PYROXD1: variants seen among roughly 807,000 people sequenced by gnomAD.
PYROXD1 encodes tRNA ligase complex-associated NAD(P)H dehydrogenase PYROXD1.
Under a neutral mutation model 62.0 loss-of-function variants are expected in PYROXD1, and 42 were observed. That is an observed-to-expected ratio of 0.68 (90% CI 0.53 to 0.88). The LOEUF (loss-of-function observed/expected upper bound fraction) is 0.88. PYROXD1 is among the 40% of genes least tolerant of loss of function. PYROXD1 has a pLI of 0.00. For missense variants in PYROXD1, 493 were observed against 604.8 expected (o/e 0.82, Z 1.94); for synonymous variants, 170 against 206.4 (o/e 0.82, Z 1.51).
intron 11 of PYROXD1, among the ~76,000 whole-genome samples, chr12:21,468,125 T>TA (rs1218534454): frequency 1.3e-5 from 2 of 152,104 alleles, no homozygotes; most frequent in Non-Finnish European, 2.9e-5. Flanking sequence ...GCCAAATCTT[T>TA]AAACCACGAC....
At chr12:21,444,801 A>G (rs559929979) in intron 2 of PYROXD1, among the ~76,000 whole-genome samples, 21 of 152,336 alleles carry the variant, frequency 1.4e-4, no homozygotes, top group African/African-American at 4.8e-4. Flanking sequence ...GCTTAGGACT[A>G]GAGCAAGCAG....
intron 8 of PYROXD1, 48 bp from the exon 9 acceptor site, chr12:21,461,960 G>A (rs776314440): frequency 6.2e-6 from 7 of 1,137,062 alleles, no homozygotes; most frequent in Non-Finnish European, 5.3e-6. Context: ...TGTGGTGATG[G>A]TTCCATTTAC....
At chr12:21,440,059 A>C (rs569319389) in intron 1 of PYROXD1, among the ~76,000 whole-genome samples, 4 of 152,346 alleles carry the variant, frequency 2.6e-5, no homozygotes, top group African/African-American at 9.6e-5. Context: ...CCTCTGCATT[A>C]TAACTCTAAA....
chr12:21,466,868 T>A (rs1316031863), intron 10 of PYROXD1, among the ~76,000 whole-genome samples: 1 of 152,216 alleles, frequency 6.6e-6, no homozygotes, highest in East Asian at 1.9e-4. Flanking sequence ...GCATGAAGGG[T>A]TGTTGAATTT....
At chr12:21,465,848 G>A (rs1461624345) in intron 10 of PYROXD1, among the ~76,000 whole-genome samples, 2 of 152,080 alleles carry the variant, frequency 1.3e-5, no homozygotes, top group East Asian at 1.9e-4. Flanking sequence ...TTTGTATAAG[G>A]TGTAAGGAAG....
At chr12:21,439,775 T>A (rs1234603536) in intron 1 of PYROXD1, among the ~76,000 whole-genome samples, 1 of 151,986 alleles carries the variant, frequency 6.6e-6, no homozygotes, top group Non-Finnish European at 1.5e-5. Context: ...AAGACCGAGG[T>A]TGTAGCTAAA....
In PYROXD1 at chr12:21,470,514, T is replaced by G. The variant is rs1286436852; in HGVS notation, c.*1760T>G. ...AATTTCTATTCAAATATGAGCTCTA[T>G]TTTGAATAAAAGGGGCTACGTTGTG... On this transcript the variant is annotated 3_prime_UTR_variant, in exon 12 of 12. Transcript: ENST00000240651. 2 of 1,007,464 alleles carry G rather than the reference T, an allele frequency of 2.0e-6. No homozygotes were observed. The highest frequency in any genetic ancestry group is 2.9e-5 in the East Asian group (1 of 33,990). 62.4% of individuals were successfully genotyped at this position (1,007,464 alleles called of 1,614,324 possible).
At chr12:21,460,448 G>C (rs1466939994) in intron 7 of PYROXD1, among the ~76,000 whole-genome samples, 1 of 148,468 alleles carries the variant, frequency 6.7e-6, no homozygotes, top group Non-Finnish European at 1.5e-5. Context: ...TTTTGAGACA[G>C]AGTCTCGCTC....
chr12:21,452,274 T>G, intron 5 of PYROXD1, 120 bp downstream of exon 5: 1 of 661,272 alleles, frequency 1.5e-6, no homozygotes, highest in South Asian at 4.0e-5. Context: ...TGTTTTTTAT[T>G]CTGAAAATCA....
At chr12:21,467,309 A>T in intron 10 of PYROXD1, 172 bp from the exon 11 acceptor site, 1 of 521,988 alleles carries the variant, frequency 1.9e-6, no homozygotes, top group Non-Finnish European at 3.4e-6. Flanking sequence ...AGATAGAATT[A>T]ACAAATACCA....
chr12:21,441,683 T>C (rs943473732), intron 2 of PYROXD1, among the ~76,000 whole-genome samples: 2 of 152,270 alleles, frequency 1.3e-5, no homozygotes, highest in African/African-American at 4.8e-5. Context: ...TCTGATTTAA[T>C]TGAATTGTTT....
intron 2 of PYROXD1, among the ~76,000 whole-genome samples, chr12:21,444,754 A>G (rs1476384163): frequency 3.3e-5 from 5 of 152,164 alleles, no homozygotes; most frequent in Non-Finnish European, 5.9e-5. Context: ...TTGAATATCA[A>G]TCTGTAAGGC....
At position 21,462,871 on chromosome 12, in the gene PYROXD1, G is replaced by C. The variant is rs2137283664; in HGVS notation, c.1116+9G>C. The C allele has an allele frequency of 6.2e-7, 1 of 1,609,894 alleles. No homozygotes were observed. The highest frequency in any genetic ancestry group is 8.5e-7 in the Non-Finnish European group (1 of 1,178,792). ...GCCCAGTCTGGCAGCAGGTAAGCTA[G>C]CATATATAATTATATGTTTTCATCA... On this transcript the variant is annotated intron_variant, in intron 10 of 11. Coordinates refer to ENST00000240651, the MANE Select transcript of PYROXD1 (RefSeq NM_024854.5).
rs1211627560 is a variant in PYROXD1 at position 21,467,492 on chromosome 12, G to A, written c.1128G>A (p.Trp376Ter). 1 of 1,603,138 alleles carries A rather than the reference G, an allele frequency of 6.2e-7. No homozygotes were observed. Among genetic ancestry groups the A allele is most frequent in the South Asian group, 1.1e-5 (1 of 88,574 alleles). ...TTTCATCATTTCAGATGAGGCTGTG[G>A]ACCCAGGCTAGACAGATGGGATGGT... The part of the protein sequence containing the change: ...LSPVWQQMRL[W>*]TQARQMGWYA... The change falls in exon 11 of 12, where the codon TGG becomes TGA. Residue 376 changes from tryptophan (W) to a stop codon, truncating the protein, a stop_gained. Coordinates refer to ENST00000240651, the MANE Select transcript of PYROXD1 (RefSeq NM_024854.5). LOFTEE classifies it high-confidence loss of function.
chr12:21,449,822 CAGAGTGGT>C, intron 4 of PYROXD1, 131 bp downstream of exon 4: 1 of 658,286 alleles, frequency 1.5e-6, no homozygotes, highest in Non-Finnish European at 2.5e-6. Flanking sequence ...CAGTAAACCA[CAGAGTGGT>C]TATGTTTTAT....
In PYROXD1 at chr12:21,452,082, A is replaced by G; in HGVS notation, c.416A>G (p.Glu139Gly). The G allele has an allele frequency of 6.4e-7, 1 of 1,573,460 alleles. No homozygotes were observed. The highest frequency in any genetic ancestry group is 2.3e-5 in the East Asian group (1 of 43,880). ...CTCATTATTTTCTTTTTAACATAGG[A>G]ATTTCAGAAACAGCTTACTAAAGCT... ...LGIRDTDSAQ[E>G]FQKQLTKAKR... The change falls in exon 5 of 12, where the codon GAA (glutamate) becomes GGA (glycine). Residue 139 changes from glutamate (E) to glycine (G), a missense_variant and splice_region_variant. This residue lies in a region of PYROXD1 where 329 missense variants were observed against 446.6 expected (regional missense o/e 0.74). Transcript: ENST00000240651.
At chr12:21,456,197 G>A (rs1375836676) in intron 7 of PYROXD1, 102 bp downstream of exon 7, 20 of 685,830 alleles carry the variant, frequency 2.9e-5, no homozygotes, top group Non-Finnish European at 4.7e-5. Context: ...GAACTGTTAG[G>A]TCACTTTACT....
intron 11 of PYROXD1, 110 bp from the exon 12 acceptor site, chr12:21,468,396 A>G: frequency 1.0e-6 from 1 of 998,832 alleles, no homozygotes; most frequent in Non-Finnish European, 1.5e-6. Flanking sequence ...TTAGTTATGA[A>G]ATTTTGTGGC....
chr12:21,437,995 G>A (rs1030634250), intron 1 of PYROXD1, 181 bp downstream of exon 1: 37 of 620,280 alleles, frequency 6.0e-5, no homozygotes, highest in Non-Finnish European at 1.0e-4. Flanking sequence ...GACCTCACTA[G>A]CTTTCTCTTA....
Sources: gnomAD v4.1 joint callset for allele counts (sites outside exome capture counted in the v4.1 genomes callset) on GRCh38, gnomAD v4.1.1 for gene constraint, gnomAD v4.1.1 regional missense constraint, MANE v1.5 for transcripts, NCBI Gene and HGNC (gene_info 2026-07-23, HGNC 2026-07-21) for gene names.